Variants in ATP8B3 observed in about 807,000 individuals in gnomAD.
ATP8B3 encodes ATPase phospholipid transporting 8B3.
Under a neutral mutation model 140.9 loss-of-function variants are expected in ATP8B3, and 141 were observed. The observed-to-expected ratio is 1.00, with a 90% confidence interval of 0.87 to 1.15. ATP8B3 has a LOEUF of 1.15. Ranked by LOEUF, ATP8B3 falls within the 50% of genes most tolerant of loss-of-function variation. The pLI is 0.00. For missense variants in ATP8B3, 1,874 were observed against 1,740.6 expected, an observed-to-expected ratio of 1.08 and a Z score of -1.36; for synonymous variants, 765 against 714.6, an observed-to-expected ratio of 1.07 and a Z score of -1.13.
rs1041144974 is a variant in ATP8B3 at position 1,785,202 on chromosome 19, G to A, written c.3489C>T (p.Ser1163=). The part of the protein sequence containing the change: ...FYAIMTTTTQ[S]FWLFRVSPTT... Reference sequence around the variant, plus strand: ...TGGGGGATACTCTGAAGAGCCAGAAGCTCTGGGTGGTGGTAGTCATGATGG... The same window carrying A: ...TGGGGGATACTCTGAAGAGCCAGAAACTCTGGGTGGTGGTAGTCATGATGG... Residue 1163 remains serine (S), a synonymous_variant, in exon 27 of 29, where the codon AGC becomes AGT. Transcript: ENST00000310127. 1.9e-6 allele frequency: 3 copies of A among 1,604,162 alleles called. No homozygotes were observed. Among genetic ancestry groups the A allele is most frequent in the Non-Finnish European group, 2.6e-6 (3 of 1,175,436 alleles).
intron 23 of ATP8B3, 61 bp downstream of exon 23, chr19:1,789,300 C>T (rs1459810697): frequency 6.9e-7 from 1 of 1,438,940 alleles, no homozygotes; most frequent in Non-Finnish European, 9.1e-7. Flanking sequence ...GTCCCACCAC[C>T]GCCTCCGTCA....
rs759682278 is a variant in ATP8B3, at chr19:1,808,298, G to A, written c.440C>T (p.Ser147Leu). The A allele has an allele frequency of 1.1e-5, 18 of 1,612,924 alleles. No individual in the cohort carries two copies. Among genetic ancestry groups the A allele is most frequent in the East Asian group, 6.7e-5 (3 of 44,854 alleles). Residue 147 changes from serine (S) to leucine (L), a missense_variant, in exon 5 of 29, where the codon TCG becomes TTG. Coordinates refer to ENST00000310127, the MANE Select transcript of ATP8B3 (RefSeq NM_138813.4). ...VIRTAKYNFY[S>L]FLPLNLYEQF... The stretch of plus-strand genomic sequence containing the variant: ...CTCGTACAGGTTCAGCGGCAGGAAC[G>A]AGTAGAAGTTGTACTTGGCCGTGCG...
chr19:1,791,732 G>C lies in ATP8B3; in HGVS notation c.2302+18C>G, dbSNP rs368111264. The C allele has an allele frequency of 1.2e-3, 1,927 of 1,594,144 alleles. 41 individuals are homozygous for C. In the South Asian group the frequency reaches 0.02, roughly 16 times the overall value. On this transcript the variant is annotated intron_variant, in intron 20 of 28. Transcript: ENST00000310127. ...CATGCTGCAGGGGCTTAGCCACCCG[G>C]AGCTGCCCGGGACTCACCCTGCTTG...
At chr19:1,811,139 A>G (rs1307746468) in intron 2 of ATP8B3, among the ~76,000 whole-genome samples, 1 of 152,090 alleles carries the variant, frequency 6.6e-6, no homozygotes. Flanking sequence ...TCATCTGTTC[A>G]CTGACTGAAT....
At position 1,799,972 on chromosome 19, in the gene ATP8B3, C is replaced by T; in HGVS notation, c.1527G>A (p.Lys509=). ...CATAGACGCGGCCGCTGATGCAGCA[C>T]TTGTTGAAGGTCAAGATGTTCTGCG... The part of the protein sequence containing the change: ...TLTQNILTFN[K]CCISGRVYGP... Residue 509 remains lysine, a synonymous_variant, in exon 14 of 29, where the codon AAG becomes AAA. Coordinates refer to ENST00000310127, the MANE Select transcript of ATP8B3 (RefSeq NM_138813.4). 3.1e-6 allele frequency: 5 copies of T among 1,604,292 alleles called. No homozygotes were observed. Among genetic ancestry groups the T allele is most frequent in the Non-Finnish European group, 4.3e-6 (5 of 1,175,744 alleles).
chr19:1,802,130 C>T (rs79891569), intron 11 of ATP8B3, 86 bp from the exon 12 acceptor site: 75,106 of 909,528 alleles, frequency 0.083, 4,194 homozygotes, highest in Non-Finnish European at 0.1. Context: ...CCCACTCCCC[C>T]ACTCATCCAC....
chr19:1,803,110 G>A (rs1261372034), intron 10 of ATP8B3, among the ~76,000 whole-genome samples: 1 of 152,128 alleles, frequency 6.6e-6, no homozygotes, highest in African/African-American at 2.4e-5. Context: ...ACGCCTGATC[G>A]ATGAGCCTCC....
chr19:1,796,589 C>G, intron 16 of ATP8B3, 122 bp downstream of exon 16: 1 of 1,312,824 alleles, frequency 7.6e-7, no homozygotes. Context: ...TCACACCGGC[C>G]TCAGCGCCCC....
At chr19:1,791,564 T>C (rs1379295905) in intron 20 of ATP8B3, among the ~76,000 whole-genome samples, 186 bp downstream of exon 20, 1 of 152,050 alleles carries the variant, frequency 6.6e-6, no homozygotes, top group Admixed American at 6.6e-5. Flanking sequence ...GGCCCATTTT[T>C]GTATTTTTAG....
chr19:1,800,540 C>A lies in ATP8B3; in HGVS notation c.1153-91G>T, dbSNP rs894468569. 2.5e-6 allele frequency: 3 copies of A among 1,219,162 alleles called. No individual in the cohort carries two copies. The highest frequency in any genetic ancestry group is 3.5e-6 in the Non-Finnish European group (3 of 863,258). 75.5% of individuals were successfully genotyped at this position (1,219,162 alleles called of 1,614,324 possible). A position where few individuals can be genotyped will look rare whatever the true frequency, so the allele number is the denominator to read the frequency against. On this transcript the variant is annotated intron_variant, in intron 12 of 28. Coordinates refer to ENST00000310127, the MANE Select transcript of ATP8B3 (RefSeq NM_138813.4). The surrounding 1 kb of genome is among the most constrained non-coding windows in gnomAD (Gnocchi z 4.4). ...GGTAAACACAAAGATAAGGCTGGGG[C>A]TGGGCACAGTGGCTCATGCCTGTAA... is the stretch of plus-strand genomic sequence containing the variant.
chr19:1,786,358 G>C (rs1194349923), intron 25 of ATP8B3, among the ~76,000 whole-genome samples: 1 of 152,108 alleles, frequency 6.6e-6, no homozygotes, highest in Non-Finnish European at 1.5e-5. Context: ...CTGAGGTCAG[G>C]AGTTCAAGAC....
chr19:1,783,987 G>A (rs924982710), intron 28 of ATP8B3, among the ~76,000 whole-genome samples: 4 of 152,048 alleles, frequency 2.6e-5, no homozygotes, highest in Admixed American at 6.6e-5. Context: ...GGTGTGAACC[G>A]CTGCGCCTGG....
rs914991876 is a variant in ATP8B3 at position 1,795,978 on chromosome 19, G to A, written c.1952C>T (p.Pro651Leu). The stretch of plus-strand genomic sequence containing the variant: ...GGTGTACAGGCAGATGGCGCCCTCT[G>A]GCTTTCGAACTGTGGGGGAACAGGC... ...RKRMSVLVRK[P>L]EGAICLYTKG... is the part of the protein sequence containing the mutation. The change falls in exon 18 of 29, where the codon CCA becomes CTA. Residue 651 changes from proline (P) to leucine (L), a missense_variant. Coordinates refer to ENST00000310127, the MANE Select transcript of ATP8B3 (RefSeq NM_138813.4). 6.2e-7 allele frequency: 1 copy of A among 1,613,198 alleles called. No homozygotes were observed. The highest frequency in any genetic ancestry group is 1.3e-5 in the African/African-American group (1 of 75,056).
intron 11 of ATP8B3, 80 bp downstream of exon 11, chr19:1,802,407 A>AACCCCCCCCCCCCC: frequency 5.7e-5 from 18 of 318,100 alleles, no homozygotes; most frequent in South Asian, 1.4e-4. Flanking sequence ...CCACCCACCT[A>AACCCCCCCCCCCCC]CCCACCCACC....
Position 1,808,297 on chromosome 19 carries a change from C to T in ATP8B3, c.441G>A (p.Ser147=), listed in dbSNP as rs369230751. 29 of 1,612,972 alleles carry T rather than the reference C, an allele frequency of 1.8e-5. No homozygotes were observed. The African/African-American group carries it at 2.9e-4, about 16-fold the overall frequency. Reference sequence around the variant, plus strand: ...GCTCGTACAGGTTCAGCGGCAGGAACGAGTAGAAGTTGTACTTGGCCGTGC... The same window carrying T: ...GCTCGTACAGGTTCAGCGGCAGGAATGAGTAGAAGTTGTACTTGGCCGTGC... ...VIRTAKYNFY[S]FLPLNLYEQF... is the part of the protein sequence containing the mutation. Residue 147 remains serine, a synonymous_variant, in exon 5 of 29, where the codon TCG becomes TCA. Coordinates refer to ENST00000310127, the MANE Select transcript of ATP8B3 (RefSeq NM_138813.4).
At position 1,791,790 on chromosome 19, in the gene ATP8B3, C is replaced by T. The variant is rs1274815164; in HGVS notation, c.2262G>A (p.Lys754=). The change falls in exon 20 of 29, where the codon AAG becomes AAA. Residue 754 remains lysine (K), a synonymous_variant. Coordinates refer to ENST00000310127, the MANE Select transcript of ATP8B3 (RefSeq NM_138813.4). ...TGAGCACCCATATTTTGATGTTGCT[C>T]TTCTTGAGACATTTGATGGTTTCAG... ...GVPETIKCLK[K]SNIKIWVLTG... is the part of the protein sequence containing the mutation. The T allele has an allele frequency of 6.2e-7, 1 of 1,611,872 alleles. No homozygotes were observed. The highest frequency in any genetic ancestry group is 8.5e-7 in the Non-Finnish European group (1 of 1,179,824).
chr19:1,798,359 C>T (rs1484163635), intron 14 of ATP8B3, among the ~76,000 whole-genome samples: 1 of 152,026 alleles, frequency 6.6e-6, no homozygotes, highest in Non-Finnish European at 1.5e-5. Flanking sequence ...CACCCCACCA[C>T]ATCATCAATT....
At chr19:1,799,383 C>G (rs1428066966) in intron 14 of ATP8B3, 3 of 154,562 alleles carry the variant, frequency 1.9e-5, no homozygotes, top group African/African-American at 7.4e-5. Flanking sequence ...AGAATCAACC[C>G]AGGAGGCGGA....
At chr19:1,795,639 C>T (rs1011740904) in intron 18 of ATP8B3, among the ~76,000 whole-genome samples, 4 of 151,988 alleles carry the variant, frequency 2.6e-5, no homozygotes, top group African/African-American at 4.8e-5. Context: ...GCCTCCCAGC[C>T]GGTGTGTGTG....
Sources: allele counts gnomAD v4.1 joint callset (sites outside exome capture counted in the v4.1 genomes callset), GRCh38; gene constraint gnomAD v4.1.1; non-coding constraint Gnocchi (gnomAD v3.1); transcripts MANE v1.5; gene names NCBI Gene and HGNC (gene_info 2026-07-23, HGNC 2026-07-21).